Variants in AR observed in about 807,000 individuals in gnomAD.
The protein encoded by AR is dihydrotestosterone receptor.
In AR, 8 loss-of-function variants were observed where a neutral mutation model predicts 53.9. That is an observed-to-expected ratio of 0.15 (90% CI 0.09 to 0.27). AR has a LOEUF of 0.27. Among genes scored for constraint, AR ranks in the 10% least tolerant of loss-of-function variants. The probability of loss-of-function intolerance (pLI) is 1.00; values close to 1 mark genes in which losing one functional copy is unlikely to be tolerated. For missense variants in AR, 639 were observed against 742.5 expected, an observed-to-expected ratio of 0.86 and a Z score of 1.62; for synonymous variants, 359 against 316.4, an observed-to-expected ratio of 1.13 and a Z score of -1.43.
chrX:67,620,298 G>T (rs1425458361), intron 1 of AR, among the ~76,000 whole-genome samples: 3 of 109,388 alleles, frequency 2.7e-5, no homozygotes, highest in African/African-American at 1.0e-4. Flanking sequence ...TACATTTTGG[G>T]TAAGGGCAAG....
At chrX:67,547,085 A>C (rs1481551812) in intron 1 of AR, among the ~76,000 whole-genome samples, 1 of 111,048 alleles carries the variant, frequency 9.0e-6, no homozygotes, top group Non-Finnish European at 1.9e-5. Flanking sequence ...TCAGAGATAA[A>C]GCTCCCAAGC....
chrX:67,569,188 AGTGTGG>A (rs1921696341), intron 1 of AR, among the ~76,000 whole-genome samples: 1 of 61,521 alleles, frequency 1.6e-5, no homozygotes, highest in Non-Finnish European at 2.7e-5. Context: ...GGCAGAATAT[AGTGTGG>A]GTGGGGGATT....
chrX:67,555,210 G>T (rs1399670931), intron 1 of AR, among the ~76,000 whole-genome samples: 1 of 111,642 alleles, frequency 9.0e-6, no homozygotes, highest in Non-Finnish European at 1.9e-5. Context: ...AAAGAGGAAT[G>T]AATCAATAGA....
rs753813438 is a variant in AR at position 67,676,370 on chromosome X, CA to C, written c.1769-9639del. On this transcript the variant is annotated intron_variant, in intron 2 of 7. Transcript: ENST00000374690. ...TCTCAAAGTGAATTTTGTTTATCAC[CA>C]CAAAAAATAGTCTGTTGCAGAGATA... Among the ~76,000 whole-genome samples, 216 of 112,059 alleles carry C rather than the reference CA, an allele frequency of 1.9e-3. 2 individuals are homozygous for C. The highest frequency in any genetic ancestry group is 6.6e-3 in the African/African-American group (202 of 30,838).
chrX:67,663,238 G>T, intron 2 of AR, among the ~76,000 whole-genome samples: 1 of 111,959 alleles, frequency 8.9e-6, no homozygotes, highest in Non-Finnish European at 1.9e-5. Flanking sequence ...TTTACAATTT[G>T]GTATGTTTTT....
intron 1 of AR, among the ~76,000 whole-genome samples, chrX:67,560,909 T>C (rs2147337035): frequency 8.9e-6 from 1 of 112,216 alleles, no homozygotes; most frequent in Non-Finnish European, 1.9e-5. Flanking sequence ...GAATGTTGGC[T>C]TCACTTCTTT....
At position 67,703,303 on chromosome X, in the gene AR, G is replaced by T. The variant is rs182774444; in HGVS notation, c.1886-8099G>T. 1.1e-4 allele frequency among the ~76,000 whole-genome samples: 12 copies of T among 111,778 alleles called. No homozygotes were observed. In the East Asian group the frequency reaches 3.4e-3, roughly 32 times the overall value. On this transcript the variant is annotated intron_variant, in intron 3 of 7. Transcript: ENST00000374690. ...TGCTTATGCTAGACCTCAGAATTAT[G>T]ACCTTTTCAATTATTTATATTTCTG...
intron 2 of AR, among the ~76,000 whole-genome samples, chrX:67,662,777 C>G (rs1304828939): frequency 9.0e-6 from 1 of 111,210 alleles, no homozygotes; most frequent in Non-Finnish European, 1.9e-5. Flanking sequence ...TTGTAGGTCT[C>G]TAAGGACTTG....
intron 1 of AR, among the ~76,000 whole-genome samples, chrX:67,557,801 C>G (rs1489018754): frequency 9.0e-6 from 1 of 111,710 alleles, no homozygotes; most frequent in Non-Finnish European, 1.9e-5. Flanking sequence ...AACCTAAAAC[C>G]AGGTAATTAA....
intron 2 of AR, among the ~76,000 whole-genome samples, chrX:67,644,335 C>G (rs1925943347): frequency 9.0e-6 from 1 of 111,707 alleles, no homozygotes; most frequent in Admixed American, 9.5e-5. Flanking sequence ...GACCAGACCC[C>G]TTGTTAAACA....
chrX:67,622,778 A>C (rs1005955436), intron 1 of AR, among the ~76,000 whole-genome samples: 8 of 111,666 alleles, frequency 7.2e-5, no homozygotes, highest in Admixed American at 6.6e-4. Flanking sequence ...GTTACCTCCT[A>C]GTATCTGCAA....
intron 1 of AR, among the ~76,000 whole-genome samples, chrX:67,561,199 C>T (rs1008392495): frequency 3.6e-5 from 4 of 112,126 alleles, no homozygotes; most frequent in Admixed American, 1.9e-4. Context: ...AAGATATCCA[C>T]AGCACATAAC....
intron 3 of AR, among the ~76,000 whole-genome samples, chrX:67,704,508 G>A (rs1411147966): frequency 1.8e-5 from 2 of 111,333 alleles, no homozygotes; most frequent in African/African-American, 6.6e-5. Flanking sequence ...TTTTTTTCTT[G>A]TAAATTTGTT....
At chrX:67,714,758 C>T (rs753658658) in intron 4 of AR, among the ~76,000 whole-genome samples, 1 of 112,031 alleles carries the variant, frequency 8.9e-6, no homozygotes, top group South Asian at 3.8e-4. Flanking sequence ...TGAATGCATA[C>T]TTAAGGAAAT....
rs150545747 is a variant in AR, at chrX:67,546,682, G to T, written c.1536G>T (p.Val512=). The T allele has an allele frequency of 1.7e-6, 2 of 1,208,579 alleles. No homozygotes were observed. The highest frequency in any genetic ancestry group is 2.2e-5 in the Admixed American group (1 of 45,801). ...ACCCTGGCGGCATGGTGAGCAGAGT[G>T]CCCTATCCCAGTCCCACTTGTGTCA... ...VWYPGGMVSR[V]PYPSPTCVKS... The change falls in exon 1 of 8, where the codon GTG becomes GTT. Residue 512 remains valine (V), a synonymous_variant. Transcript: ENST00000374690.
intron 2 of AR, among the ~76,000 whole-genome samples, chrX:67,653,540 G>A (rs191190903): frequency 6.3e-5 from 7 of 111,386 alleles, no homozygotes; most frequent in South Asian, 3.8e-4. Flanking sequence ...GCAAAGACAC[G>A]GCGATGTGAA....
At chrX:67,631,388 T>C (rs1438535268) in intron 1 of AR, among the ~76,000 whole-genome samples, 1 of 112,063 alleles carries the variant, frequency 8.9e-6, no homozygotes, top group Non-Finnish European at 1.9e-5. Flanking sequence ...ATTTCATTCA[T>C]TTCATCTTCC....
Position 67,730,160 on chromosome X carries a change from A to G in AR, c.*6319A>G, listed in dbSNP as rs760584835. The G allele has an allele frequency of 3.8e-5, 4 of 104,060 alleles. No individual in the cohort carries two copies. The highest frequency in any genetic ancestry group is 1.2e-3 in the South Asian group (1 of 815). 8.6% of individuals were successfully genotyped at this position (104,060 alleles called of 1,213,427 possible). On this transcript the variant is annotated 3_prime_UTR_variant, in exon 8 of 8. Transcript: ENST00000374690. ...AAACAGAGATAAAAATTAATTTTCA[A>G]TATTGAAGGAAAAAAGAAATAAGAA... is the stretch of plus-strand genomic sequence containing the variant.
intron 1 of AR, among the ~76,000 whole-genome samples, chrX:67,602,237 C>T (rs972009122): frequency 2.7e-5 from 3 of 111,831 alleles, no homozygotes; most frequent in Non-Finnish European, 5.6e-5. Context: ...TATTTTTACC[C>T]GGACTGAGTT....
Sources: gnomAD v4.1 joint callset for allele counts (sites outside exome capture counted in the v4.1 genomes callset) on GRCh38, gnomAD v4.1.1 for gene constraint, MANE v1.5 for transcripts, NCBI Gene and HGNC (gene_info 2026-07-23, HGNC 2026-07-21) for gene names.